The following SLC47A1 variants were observed in gnomAD, a reference collection of about 807,000 sequenced individuals.
The protein encoded by SLC47A1 is solute carrier family 47 member 1, also known as multidrug and toxin extrusion protein 1.
A neutral mutation model predicts 65.8 loss-of-function variants in SLC47A1; 58 were observed. The ratio of observed to expected loss-of-function variants is 0.88; its 90% CI spans 0.71 to 1.10. The LOEUF is 1.10. SLC47A1 is among the 50% of genes least tolerant of loss of function. SLC47A1 has a pLI of 0.00. For synonymous variants in SLC47A1, 285 were observed against 295.0 expected (o/e 0.97, Z 0.35); for missense variants, 706 against 719.2 (o/e 0.98, Z 0.21).
In SLC47A1 at chr17:19,569,052, G is replaced by A. The variant is rs369701177; in HGVS notation, c.1309+1824G>A. 1.5e-3 allele frequency among the ~76,000 whole-genome samples: 227 copies of A among 152,062 alleles called. 2 individuals are homozygous for A. The South Asian group carries it at 0.023, about 16-fold the overall frequency. Reference sequence around the variant, plus strand: ...TAAATCCATCTGTATCCCAAGTGCCGTCCTTGGCTCACCTATTCATTTAAC... The same window carrying A: ...TAAATCCATCTGTATCCCAAGTGCCATCCTTGGCTCACCTATTCATTTAAC... On this transcript the variant is annotated intron_variant, in intron 14 of 16. Transcript: ENST00000270570.
chr17:19,533,871 T>C lies in SLC47A1; in HGVS notation c.-69T>C. The C allele has an allele frequency of 7.3e-7, 1 of 1,366,218 alleles. No homozygotes were observed. The highest frequency in any genetic ancestry group is 9.5e-7 in the Non-Finnish European group (1 of 1,054,186). The allele number at this position is 1,366,218 out of a possible 1,614,324, so 84.6% of individuals were successfully genotyped here. A position where few individuals can be genotyped will look rare whatever the true frequency, so the allele number is the denominator to read the frequency against. ...CGGTACCCACTGCCGGCCTGCGCGG[T>C]ACTCACTGCCGGCCTCCGCGGTACC... is the stretch of plus-strand genomic sequence containing the variant. On this transcript the variant is annotated 5_prime_UTR_variant, in exon 1 of 17. Coordinates refer to ENST00000270570, the MANE Select transcript of SLC47A1 (RefSeq NM_018242.3).
At position 19,545,729 on chromosome 17, in the gene SLC47A1, A is replaced by T. The variant is rs192473553; in HGVS notation, c.238-706A>T. Among the ~76,000 whole-genome samples, 17 of 151,968 alleles carry T rather than the reference A, an allele frequency of 1.1e-4. No individual in the cohort carries two copies. In the East Asian group the frequency reaches 3.1e-3, roughly 28 times the overall value. On this transcript the variant is annotated intron_variant, in intron 2 of 16. Transcript: ENST00000270570. Reference sequence around the variant, plus strand: ...GGTCTCAAACTCCTGGGCTCAAACGATCCTCCCACCTTGGCTTCCCAAAGT... The same window carrying T: ...GGTCTCAAACTCCTGGGCTCAAACGTTCCTCCCACCTTGGCTTCCCAAAGT...
intron 14 of SLC47A1, among the ~76,000 whole-genome samples, 192 bp downstream of exon 14, chr17:19,567,420 A>G (rs941892739): frequency 6.6e-5 from 10 of 152,114 alleles, no homozygotes; most frequent in Admixed American, 2.6e-4. Context: ...CCCCAAGGCT[A>G]TGTGGTCCTG....
chr17:19,546,297 G>C, intron 2 of SLC47A1, 138 bp from the exon 3 acceptor site: 2 of 755,466 alleles, frequency 2.6e-6, no homozygotes, highest in Non-Finnish European at 2.3e-6. Flanking sequence ...GTGGGGTCCA[G>C]GCAGCTAACA....
rs148361425 is a variant in SLC47A1, at chr17:19,572,261, C to T, written c.1405-519C>T. On this transcript the variant is annotated intron_variant, in intron 15 of 16. Transcript: ENST00000270570. ...CTCACCCTGTACTGTTCCCATCCCA[C>T]CTTCCCTTTCATGGACCCCATTTCA... Among the ~76,000 whole-genome samples, 72 of 152,280 alleles carry T rather than the reference C, an allele frequency of 4.7e-4. 1 individual carries two copies. The highest frequency in any genetic ancestry group is 1.7e-3 in the African/African-American group (71 of 41,552).
rs897560613 is a variant in SLC47A1 at position 19,555,902 on chromosome 17, C to T, written c.846C>T (p.Phe282=). 3 of 1,614,088 alleles carry T rather than the reference C, an allele frequency of 1.9e-6. No homozygotes were observed. Among genetic ancestry groups the T allele is most frequent in the Non-Finnish European group, 2.5e-6 (3 of 1,180,038 alleles). The change falls in exon 9 of 17, where the codon TTC becomes TTT. Residue 282 remains phenylalanine, a synonymous_variant. Coordinates refer to ENST00000270570, the MANE Select transcript of SLC47A1 (RefSeq NM_018242.3). Reference sequence around the variant, plus strand: ...GGTGGGCCTATGAGGTCGGGAGCTTCCTCAGTGGTCTGTATGAGGATGGAT... The same window carrying T: ...GGTGGGCCTATGAGGTCGGGAGCTTTCTCAGTGGTCTGTATGAGGATGGAT... The part of the protein sequence containing the change: ...MEWWAYEVGS[F]LSGILGMVEL...
rs751341016 is a variant in SLC47A1, at chr17:19,549,689, A to T, written c.498+12A>T. 3 of 1,614,090 alleles carry T rather than the reference A, an allele frequency of 1.9e-6. No homozygotes were observed. The highest frequency in any genetic ancestry group is 2.5e-6 in the Non-Finnish European group (3 of 1,179,952). Reference sequence around the variant, plus strand: ...TTCCAGCTCTTCCTGTAAGTGCTCAAGGGCTAAGAGATTCCCTTCTTGGGG... The same window carrying T: ...TTCCAGCTCTTCCTGTAAGTGCTCATGGGCTAAGAGATTCCCTTCTTGGGG... On this transcript the variant is annotated intron_variant, in intron 5 of 16. Transcript: ENST00000270570.
chr17:19,567,635 T>G (rs963310248), intron 14 of SLC47A1: 5 of 214,780 alleles, frequency 2.3e-5, no homozygotes, highest in Admixed American at 2.1e-4. Context: ...TGAGGGTGAC[T>G]CTGCAGGGCC....
At chr17:19,542,358 C>A in intron 1 of SLC47A1, 35 bp from the exon 2 acceptor site, 1 of 1,512,590 alleles carries the variant, frequency 6.6e-7, no homozygotes, top group South Asian at 1.3e-5. Context: ...CAATGGTGGT[C>A]ACTCACGTCC....
rs559834768 is a variant in SLC47A1, at chr17:19,556,803, C to T, written c.921+741C>T. ...AACTCCTGACCTCAGGCGATCTACC[C>T]GCCTTGGCCTCTCAAAGTGTTGGGA... On this transcript the variant is annotated intron_variant, in intron 10 of 16. Coordinates refer to ENST00000270570, the MANE Select transcript of SLC47A1 (RefSeq NM_018242.3). Among the ~76,000 whole-genome samples, 24 of 152,278 alleles carry T rather than the reference C, an allele frequency of 1.6e-4. 1 individual carries two copies. In the South Asian group the frequency reaches 4.8e-3, roughly 30 times the overall value.
At chr17:19,570,765 G>T (rs2084393685) in intron 14 of SLC47A1, 1 of 152,288 alleles carries the variant, frequency 6.6e-6, no homozygotes, top group Non-Finnish European at 1.5e-5. Flanking sequence ...TTTTATTACG[G>T]TCAGGACTTT....
At chr17:19,563,194 A>G (rs934761752) in intron 12 of SLC47A1, among the ~76,000 whole-genome samples, 4 of 133,754 alleles carry the variant, frequency 3.0e-5, no homozygotes, top group African/African-American at 1.1e-4. Flanking sequence ...GTGCAGTGGC[A>G]TGATCTCAGC....
At chr17:19,556,955 GA>G (rs1916634039) in intron 10 of SLC47A1, among the ~76,000 whole-genome samples, 1 of 152,162 alleles carries the variant, frequency 6.6e-6, no homozygotes, top group South Asian at 2.1e-4. Flanking sequence ...GCATACAGTG[GA>G]GTATTATTCA....
At chr17:19,551,358 C>A in intron 5 of SLC47A1, 66 bp from the exon 6 acceptor site, 2 of 1,388,806 alleles carry the variant, frequency 1.4e-6, no homozygotes, top group Non-Finnish European at 2.1e-6. Context: ...AGCTCCCTGC[C>A]GTGTGACCTC....
intron 4 of SLC47A1, among the ~76,000 whole-genome samples, chr17:19,548,595 G>A (rs1176536237): frequency 6.6e-6 from 1 of 151,272 alleles, no homozygotes; most frequent in Non-Finnish European, 1.5e-5. Flanking sequence ...TGCCTCCTGG[G>A]TTCAAGCAAT....
At chr17:19,542,579 G>A in intron 2 of SLC47A1, 85 bp downstream of exon 2, 1 of 1,103,546 alleles carries the variant, frequency 9.1e-7, no homozygotes, top group Non-Finnish European at 1.3e-6. Flanking sequence ...AAAATGTAGT[G>A]GCTGAAACCT....
At chr17:19,545,199 ATTT>A (rs112985126) in intron 2 of SLC47A1, among the ~76,000 whole-genome samples, 3,209 of 147,684 alleles carry the variant, frequency 0.022, 117 homozygotes, top group South Asian at 0.091. Context: ...TTAATAAAAA[ATTT>A]TTTTTTTTTT....
intron 14 of SLC47A1, among the ~76,000 whole-genome samples, chr17:19,569,910 T>C (rs778772121): frequency 2.6e-5 from 4 of 152,228 alleles, no homozygotes; most frequent in Non-Finnish European, 4.4e-5. Context: ...TTGCTTTTAC[T>C]AATTTTTTAT....
In SLC47A1 at chr17:19,578,288, C is replaced by G. The variant is rs145939791; in HGVS notation, c.*735C>G. 2.0e-3 allele frequency: 577 copies of G among 295,216 alleles called. 5 individuals carry two copies. Among genetic ancestry groups the G allele is most frequent in the African/African-American group, 0.012 (536 of 43,924 alleles). The allele number at this position is 295,216 out of a possible 1,614,324, so 18.3% of individuals were successfully genotyped here. A position where few individuals can be genotyped will look rare whatever the true frequency, so the allele number is the denominator to read the frequency against. ...GGGTGTGTGCGTGACGTACTGCAGC[C>G]TCAACCTCCTGGGCTCAAGTGATCC... On this transcript the variant is annotated 3_prime_UTR_variant, in exon 17 of 17. Coordinates refer to ENST00000270570, the MANE Select transcript of SLC47A1 (RefSeq NM_018242.3).
Sources: gnomAD v4.1 joint callset for allele counts (sites outside exome capture counted in the v4.1 genomes callset) on GRCh38, gnomAD v4.1.1 for gene constraint, MANE v1.5 for transcripts, NCBI Gene and HGNC (gene_info 2026-07-23, HGNC 2026-07-21) for gene names.